DPP6: variants seen among roughly 807,000 people sequenced by gnomAD.
DPP6 encodes the protein A-type potassium channel modulatory protein DPP6.
Under a neutral mutation model 122.6 loss-of-function variants are expected in DPP6, and 69 were observed. The observed-to-expected ratio is 0.56, with a 90% CI of 0.46 to 0.69. The LOEUF is 0.69. DPP6 is among the 30% of genes least tolerant of loss of function. The probability of loss-of-function intolerance (pLI) is 0.00; values close to 1 mark genes in which losing one functional copy is unlikely to be tolerated. For synonymous variants in DPP6, 418 were observed against 433.1 expected, an observed-to-expected ratio of 0.97 and a Z score of 0.43; for missense variants, 928 against 1,116.9, an observed-to-expected ratio of 0.83 and a Z score of 2.41.
Position 154,052,533 on chromosome 7 carries a change from A to C in DPP6, c.-288A>C. 4 of 915,606 alleles carry C rather than the reference A, an allele frequency of 4.4e-6. No individual in the cohort carries two copies. Among genetic ancestry groups the C allele is most frequent in the Non-Finnish European group, 5.5e-6 (4 of 729,482 alleles). 56.7% of individuals were successfully genotyped at this position (915,606 alleles called of 1,614,324 possible). A position where few individuals can be genotyped will look rare whatever the true frequency, so the allele number is the denominator to read the frequency against. On this transcript the variant is annotated 5_prime_UTR_variant, in exon 1 of 26. Transcript: ENST00000377770. The surrounding 1 kb of genome is among the most constrained non-coding windows in gnomAD (Gnocchi z 4.8). ...TGGCTGTGGCAAGGAGTTGGGGAAA[A>C]AAATTATAAAAACAGGAAAGAGAGA...
exon 1 of DPP6, chr7:153,887,438 C>CT (rs781485028): frequency 1.5e-5 from 7 of 457,064 alleles, no homozygotes; most frequent in Non-Finnish European, 2.4e-5. Flanking sequence ...TCCATCCAGG[C>CT]TTTTTTTCTT....
intron 1 of DPP6, among the ~76,000 whole-genome samples, chr7:153,899,807 GGT>G (rs1799565987): frequency 6.6e-6 from 1 of 152,180 alleles, no homozygotes; most frequent in African/African-American, 2.4e-5. Context: ...GGCAGGTGCA[GGT>G]GTGTACTCAC....
At chr7:153,892,554 T>G (rs939474504) in intron 1 of DPP6, among the ~76,000 whole-genome samples, 5 of 152,160 alleles carry the variant, frequency 3.3e-5, no homozygotes, top group South Asian at 2.1e-4. Flanking sequence ...CGTCAGGTGG[T>G]CTGCCCGTCT....
intron 10 of DPP6, among the ~76,000 whole-genome samples, chr7:154,789,936 G>A (rs1797572308): frequency 6.6e-6 from 1 of 152,216 alleles, no homozygotes; most frequent in Non-Finnish European, 1.5e-5. Flanking sequence ...AGTGGTTCAT[G>A]CTTGTCATCC....
chr7:154,876,339 A>G, intron 20 of DPP6: 2 of 669,794 alleles, frequency 3.0e-6, no homozygotes, highest in Non-Finnish European at 4.2e-6. Flanking sequence ...AGTTGACTAA[A>G]ACAAGGGGAT....
At chr7:154,438,326 C>T (rs532072956) in intron 1 of DPP6, among the ~76,000 whole-genome samples, 15 of 151,438 alleles carry the variant, frequency 9.9e-5, no homozygotes, top group African/African-American at 2.4e-4. Flanking sequence ...AAAAATTAGC[C>T]GGGCGTGGTG....
In DPP6 at chr7:154,648,048, C is replaced by T. The variant is rs531824641; in HGVS notation, c.680+10175C>T. Reference sequence around the variant, plus strand: ...GGCAGATCACCTGAGGTCAGGAGTTCGAGACCAGCCTGACCAACATGGTGA... The same window carrying T: ...GGCAGATCACCTGAGGTCAGGAGTTTGAGACCAGCCTGACCAACATGGTGA... On this transcript the variant is annotated intron_variant, in intron 6 of 25. Transcript: ENST00000377770. Among the ~76,000 whole-genome samples, 6 of 150,540 alleles carry T rather than the reference C, an allele frequency of 4.0e-5. No individual in the cohort carries two copies. In the East Asian group the frequency reaches 7.9e-4, roughly 20 times the overall value.
chr7:153,962,090 G>A (rs997850240), intron 1 of DPP6, among the ~76,000 whole-genome samples: 1 of 150,978 alleles, frequency 6.6e-6, no homozygotes, highest in Admixed American at 6.6e-5. Flanking sequence ...GCTGGGAAAG[G>A]CTGTCTTGTT....
intron 1 of DPP6, among the ~76,000 whole-genome samples, chr7:154,364,469 G>C (rs1811987933): frequency 6.6e-6 from 1 of 152,030 alleles, no homozygotes; most frequent in Non-Finnish European, 1.5e-5. Flanking sequence ...AAACTCCCCA[G>C]TTAACAAGCT....
At position 154,060,925 on chromosome 7, in the gene DPP6, C is replaced by T. The variant is rs1308199097; in HGVS notation, c.243+7862C>T. On this transcript the variant is annotated intron_variant, in intron 1 of 25. Coordinates refer to ENST00000377770, the MANE Select transcript of DPP6 (RefSeq NM_130797.4). ...CGGGGACTGAGAGCCAGACCCTCTTCCCCCACTGGCATAGGACCCCCATCG... is the reference window on the plus strand; with the variant it reads ...CGGGGACTGAGAGCCAGACCCTCTTTCCCCACTGGCATAGGACCCCCATCG... Among the ~76,000 whole-genome samples, 4 of 147,290 alleles carry T rather than the reference C, an allele frequency of 2.7e-5. 1 individual carries two copies. The highest frequency in any genetic ancestry group is 4.6e-5 in the Non-Finnish European group (3 of 65,598).
rs537531445 is a variant in DPP6, at chr7:154,246,425, A to G, written c.243+193362A>G. ...CTGACAAATAATGGTGACAACTTAC[A>G]TAAATGAAGAGATTCGATATTATCA... On this transcript the variant is annotated intron_variant, in intron 1 of 25. Coordinates refer to ENST00000377770, the MANE Select transcript of DPP6 (RefSeq NM_130797.4). Among the ~76,000 whole-genome samples, 431 of 152,368 alleles carry G rather than the reference A, an allele frequency of 2.8e-3. 1 individual carries two copies. The highest frequency in any genetic ancestry group is 9.8e-3 in the African/African-American group (409 of 41,600).
At chr7:153,979,749 C>T (rs39142) in intron 1 of DPP6, among the ~76,000 whole-genome samples, 27,642 of 152,034 alleles carry the variant, frequency 0.18, 2,895 homozygotes, top group East Asian at 0.35. Flanking sequence ...GTGTTTTTAG[C>T]ATGAGGGGGT....
At chr7:154,543,723 G>A (rs1031107797) in intron 4 of DPP6, among the ~76,000 whole-genome samples, 13 of 152,158 alleles carry the variant, frequency 8.5e-5, no homozygotes, top group African/African-American at 2.4e-4. Context: ...ACCAGGTGCG[G>A]TGGTTCATGC....
the DPP6 span, among the ~76,000 whole-genome samples, chr7:153,775,793 A>G: frequency 6.6e-6 from 1 of 152,194 alleles, no homozygotes; most frequent in Non-Finnish European, 1.5e-5. Context: ...AGCAGTGCAT[A>G]TGGTAATTCA....
At chr7:154,016,417 A>C (rs1445197578) in intron 1 of DPP6, among the ~76,000 whole-genome samples, 2 of 150,502 alleles carry the variant, frequency 1.3e-5, no homozygotes, top group Admixed American at 1.3e-4. Flanking sequence ...TTTTTTTCAG[A>C]GAAGCCAAGT....
chr7:154,797,570 T>A (rs10244993), intron 12 of DPP6, among the ~76,000 whole-genome samples: 16,328 of 152,162 alleles, frequency 0.11, 1,138 homozygotes, highest in African/African-American at 0.19. Flanking sequence ...CAATTCCATC[T>A]ATATAAAATA....
rs897008183 is a variant in DPP6, at chr7:154,481,317, A to T, written c.457+6280A>T. On this transcript the variant is annotated intron_variant, in intron 3 of 25. Coordinates refer to ENST00000377770, the MANE Select transcript of DPP6 (RefSeq NM_130797.4). The surrounding 1 kb of genome is among the most constrained non-coding windows in gnomAD (Gnocchi z 4.2). ...ATTCTCTAGCTCAAATGCTCTTCCG[A>T]GCTATACACTTGGAGAGAGAGAGAG... Among the ~76,000 whole-genome samples the T allele has an allele frequency of 1.3e-5, 2 of 151,144 alleles. No individual in the cohort carries two copies. The highest frequency in any genetic ancestry group is 2.9e-5 in the Non-Finnish European group (2 of 67,882).
chr7:154,296,382 T>G (rs1195038717), intron 1 of DPP6, among the ~76,000 whole-genome samples: 1 of 152,168 alleles, frequency 6.6e-6, no homozygotes, highest in Non-Finnish European at 1.5e-5. Flanking sequence ...AAGACATTTA[T>G]TTACAAGTTT....
intron 3 of DPP6, among the ~76,000 whole-genome samples, chr7:154,495,274 A>G (rs760705075): frequency 4.6e-5 from 7 of 152,158 alleles, no homozygotes; most frequent in Admixed American, 1.3e-4. Context: ...AGCTGGGGCC[A>G]TGGTGGGCTC....
Sources: gnomAD v4.1 joint callset for allele counts (sites outside exome capture counted in the v4.1 genomes callset) on GRCh38, gnomAD v4.1.1 for gene constraint, Gnocchi (gnomAD v3.1) non-coding constraint, MANE v1.5 for transcripts, NCBI Gene and HGNC (gene_info 2026-07-23, HGNC 2026-07-21) for gene names.